The following VPS50 variants were observed in gnomAD, a reference collection of about 807,000 sequenced individuals.
The protein encoded by VPS50 is syndetin.
A neutral mutation model predicts 139.7 loss-of-function variants in VPS50; 70 were observed. The observed-to-expected ratio is 0.50, with a 90% CI of 0.41 to 0.61. The LOEUF is 0.61. Ranked by LOEUF, VPS50 falls within the 20% of genes least tolerant of loss-of-function variation. The pLI, the probability that VPS50 is intolerant of heterozygous loss-of-function variation, is 0.00. For synonymous variants in VPS50, 365 were observed against 376.7 expected (o/e 0.97, Z 0.36); for missense variants, 921 against 1,133.7 (o/e 0.81, Z 2.69).
At chr7:93,355,192 A>G (rs1798671409) in intron 26 of VPS50, among the ~76,000 whole-genome samples, 1 of 151,866 alleles carries the variant, frequency 6.6e-6, no homozygotes, top group Non-Finnish European at 1.5e-5. Context: ...CCTTAAGGTA[A>G]GTACCTCATT....
intron 12 of VPS50, among the ~76,000 whole-genome samples, chr7:93,285,604 C>T (rs1464337221): frequency 6.6e-6 from 1 of 152,122 alleles, no homozygotes; most frequent in Non-Finnish European, 1.5e-5. Context: ...ATGGCCTCAA[C>T]TTATATTTTA....
At chr7:93,274,941 G>A (rs971715703) in intron 11 of VPS50, among the ~76,000 whole-genome samples, 5 of 152,156 alleles carry the variant, frequency 3.3e-5, no homozygotes, top group African/African-American at 9.7e-5. Flanking sequence ...AGCAACATTA[G>A]CAGGAGTTTG....
chr7:93,343,071 G>A (rs1798272565), intron 23 of VPS50, among the ~76,000 whole-genome samples: 1 of 152,152 alleles, frequency 6.6e-6, no homozygotes, highest in East Asian at 1.9e-4. Flanking sequence ...AGGCAAAGAA[G>A]TAGAAAACTT....
rs1798796195 is a variant in VPS50 at position 93,359,736 on chromosome 7, C to T, written c.*1300C>T. Reference sequence around the variant, plus strand: ...GGACCTAAGGTGATAAAATGGATGGCACAGAATGGCATGTGATCAAGCATG... The same window carrying T: ...GGACCTAAGGTGATAAAATGGATGGTACAGAATGGCATGTGATCAAGCATG... On this transcript the variant is annotated 3_prime_UTR_variant, in exon 28 of 28. Transcript: ENST00000305866. 6.6e-6 allele frequency: 1 copy of T among 152,078 alleles called. No homozygotes were observed. The highest frequency in any genetic ancestry group is 1.5e-5 in the Non-Finnish European group (1 of 68,016). The allele number at this position is 152,078 out of a possible 1,614,324, so 9.4% of individuals were successfully genotyped here. A position where few individuals can be genotyped will look rare whatever the true frequency, so the allele number is the denominator to read the frequency against.
intron 1 of VPS50, 54 bp downstream of exon 1, chr7:93,232,554 C>T: frequency 1.4e-6 from 2 of 1,471,928 alleles, no homozygotes; most frequent in South Asian, 1.1e-5. Flanking sequence ...GTGAGAGGAG[C>T]CGAGATGTTC....
At chr7:93,333,296 GAAT>G (rs1348523895) in intron 21 of VPS50, among the ~76,000 whole-genome samples, 1 of 151,944 alleles carries the variant, frequency 6.6e-6, no homozygotes, top group Non-Finnish European at 1.5e-5. Context: ...AGAGGAAGAG[GAAT>G]AATAAATGTT....
At chr7:93,289,039 G>C (rs1333658503) in intron 12 of VPS50, among the ~76,000 whole-genome samples, 2 of 152,020 alleles carry the variant, frequency 1.3e-5, no homozygotes, top group Non-Finnish European at 2.9e-5. Flanking sequence ...TGGGGCTGAA[G>C]TCATCCTAGG....
In VPS50 at chr7:93,360,043, G is replaced by A. The variant is rs1051685339; in HGVS notation, c.*1607G>A. 4 of 152,126 alleles carry A rather than the reference G, an allele frequency of 2.6e-5. No individual in the cohort carries two copies. The highest frequency in any genetic ancestry group is 9.7e-5 in the African/African-American group (4 of 41,444). The allele number at this position is 152,126 out of a possible 1,614,324, so 9.4% of individuals were successfully genotyped here. A position where few individuals can be genotyped will look rare whatever the true frequency, so the allele number is the denominator to read the frequency against. Reference sequence around the variant, plus strand: ...CATTATTTATATGCAGCCACTTGAAGAAAACAAACATGAGATAAGCTTGGT... The same window carrying A: ...CATTATTTATATGCAGCCACTTGAAAAAAACAAACATGAGATAAGCTTGGT... On this transcript the variant is annotated 3_prime_UTR_variant, in exon 28 of 28. Coordinates refer to ENST00000305866, the MANE Select transcript of VPS50 (RefSeq NM_017667.4).
In VPS50 at chr7:93,259,471, T is replaced by C. The variant is rs560144036; in HGVS notation, c.577-79T>C. ...GATTCTGTAACTTTTGGTTAGAATA[T>C]GAACAGAGATTTTTTTTTATCAGGG... On this transcript the variant is annotated intron_variant, in intron 8 of 27. Transcript: ENST00000305866. 198 of 725,530 alleles carry C rather than the reference T, an allele frequency of 2.7e-4. No homozygotes were observed. In the South Asian group the frequency reaches 3.4e-3, roughly 12 times the overall value. The allele number at this position is 725,530 out of a possible 1,614,324, so 44.9% of individuals were successfully genotyped here. A position where few individuals can be genotyped will look rare whatever the true frequency, so the allele number is the denominator to read the frequency against.
At chr7:93,238,687 T>G (rs1794891229) in intron 1 of VPS50, among the ~76,000 whole-genome samples, 1 of 152,214 alleles carries the variant, frequency 6.6e-6, no homozygotes, top group Non-Finnish European at 1.5e-5. Context: ...GGAATCTTAC[T>G]TTTAACAAGT....
intron 9 of VPS50, 90 bp from the exon 10 acceptor site, chr7:93,271,130 T>G: frequency 1.3e-6 from 2 of 1,497,364 alleles, no homozygotes; most frequent in South Asian, 1.3e-5. Context: ...ATCTTTGAAT[T>G]TATGGATTAA....
intron 11 of VPS50, 104 bp from the exon 12 acceptor site, chr7:93,276,061 G>T: frequency 9.4e-7 from 1 of 1,064,320 alleles, no homozygotes. Flanking sequence ...TCTTTGTGTT[G>T]TAACTATTAT....
rs969354253 is a variant in VPS50, at chr7:93,359,562, T to C, written c.*1126T>C. The stretch of plus-strand genomic sequence containing the variant: ...GCCAACTGTCTGATAAGGAATTTTG[T>C]GTGTGTTCTTTCTGACTGGAGAGTG... On this transcript the variant is annotated 3_prime_UTR_variant, in exon 28 of 28. Transcript: ENST00000305866. 6.6e-6 allele frequency: 1 copy of C among 152,114 alleles called. No homozygotes were observed. The highest frequency in any genetic ancestry group is 2.1e-4 in the South Asian group (1 of 4,826). The allele number at this position is 152,114 out of a possible 1,614,324, so 9.4% of individuals were successfully genotyped here.
At chr7:93,328,635 G>T (rs1366738394) in intron 21 of VPS50, among the ~76,000 whole-genome samples, 1 of 152,108 alleles carries the variant, frequency 6.6e-6, no homozygotes, top group African/African-American at 2.4e-5. Context: ...TGGGAGAAAG[G>T]GGAGCTATGA....
In VPS50 at chr7:93,276,315, G is replaced by C. The variant is rs775030804; in HGVS notation, c.942+10G>C. On this transcript the variant is annotated intron_variant, in intron 12 of 27. Coordinates refer to ENST00000305866, the MANE Select transcript of VPS50 (RefSeq NM_017667.4). ...TAAGGATCTCTGTACAGTATGTAGT[G>C]ACTTAATTACTATTCATATATCTCT... The C allele has an allele frequency of 1.2e-6, 2 of 1,605,752 alleles. No homozygotes were observed. The highest frequency in any genetic ancestry group is 1.7e-6 in the Non-Finnish European group (2 of 1,174,172).
intron 2 of VPS50, among the ~76,000 whole-genome samples, chr7:93,241,119 T>G (rs959864638): frequency 5.9e-5 from 9 of 152,134 alleles, no homozygotes; most frequent in African/African-American, 2.2e-4. Context: ...TTGAATTAGA[T>G]TGTATTACAT....
intron 26 of VPS50, 62 bp from the exon 27 acceptor site, chr7:93,355,829 C>A: frequency 1.0e-6 from 1 of 983,606 alleles, no homozygotes; most frequent in Non-Finnish European, 1.5e-6. Context: ...CTTCAAATAC[C>A]TGACAGTTTT....
intron 9 of VPS50, among the ~76,000 whole-genome samples, chr7:93,268,922 T>G (rs1053350856): frequency 2.0e-5 from 3 of 152,042 alleles, no homozygotes; most frequent in Non-Finnish European, 4.4e-5. Flanking sequence ...TAATCACAGG[T>G]GGATATGGGA....
At chr7:93,309,998 G>GA (rs1003174085) in intron 19 of VPS50, among the ~76,000 whole-genome samples, 1 of 151,856 alleles carries the variant, frequency 6.6e-6, no homozygotes, top group African/African-American at 2.4e-5. Context: ...TATTTTAATT[G>GA]AAAAAATTTG....
Sources: allele counts gnomAD v4.1 joint callset (sites outside exome capture counted in the v4.1 genomes callset), GRCh38; gene constraint gnomAD v4.1.1; transcripts MANE v1.5; gene names NCBI Gene and HGNC (gene_info 2026-07-23, HGNC 2026-07-21).